Variants in MARCHF1 observed in about 807,000 individuals in gnomAD.
MARCHF1 encodes membrane associated ring-CH-type finger 1, also known as E3 ubiquitin-protein ligase MARCHF1.
MARCHF1 carries 40 observed loss-of-function variants against 54.2 expected under a neutral mutation model. The ratio of observed to expected loss-of-function variants is 0.74; its 90% confidence interval spans 0.57 to 0.96. The LOEUF (loss-of-function observed/expected upper bound fraction) is 0.96. Ranked by LOEUF, MARCHF1 falls within the 40% of genes least tolerant of loss-of-function variation. MARCHF1 has a pLI of 0.00. For missense variants in MARCHF1, 586 were observed against 656.5 expected, an observed-to-expected ratio of 0.89 and a Z score of 1.17; for synonymous variants, 236 against 236.3, an observed-to-expected ratio of 1.00 and a Z score of 0.01.
intron 2 of MARCHF1, among the ~76,000 whole-genome samples, chr4:164,031,929 T>G (rs1426483958): frequency 6.6e-6 from 1 of 152,236 alleles, no homozygotes; most frequent in Non-Finnish European, 1.5e-5. Flanking sequence ...TTTGTACCTC[T>G]GGTAGAATTT....
chr4:163,594,357 T>A (rs1483272493), intron 7 of MARCHF1, among the ~76,000 whole-genome samples: 1 of 151,514 alleles, frequency 6.6e-6, no homozygotes, highest in Non-Finnish European at 1.5e-5. Context: ...ATATTTAGTA[T>A]ATTTATTTAG....
At chr4:164,175,854 C>T (rs1001996604) in intron 1 of MARCHF1, among the ~76,000 whole-genome samples, 10 of 152,182 alleles carry the variant, frequency 6.6e-5, no homozygotes, top group Non-Finnish European at 1.3e-4. Flanking sequence ...CATCCCCCCA[C>T]TCCCCAACAC....
intron 3 of MARCHF1, among the ~76,000 whole-genome samples, chr4:163,873,095 AATG>A (rs1016802287): frequency 4.6e-5 from 7 of 152,132 alleles, no homozygotes; most frequent in Admixed American, 4.6e-4. Flanking sequence ...AAACAAAAAA[AATG>A]ATGAAGTCAT....
At chr4:164,206,891 G>C (rs1241623427) in intron 1 of MARCHF1, among the ~76,000 whole-genome samples, 1 of 151,726 alleles carries the variant, frequency 6.6e-6, no homozygotes, top group Non-Finnish European at 1.5e-5. Context: ...AAACAGTAGA[G>C]AAAAACCAAG....
chr4:163,846,862 G>A (rs1319513941), intron 4 of MARCHF1, among the ~76,000 whole-genome samples: 1 of 152,048 alleles, frequency 6.6e-6, no homozygotes, highest in Non-Finnish European at 1.5e-5. Flanking sequence ...TCTGCTCAAG[G>A]AATATAATAA....
At chr4:163,700,271 C>G (rs1244621016) in intron 5 of MARCHF1, among the ~76,000 whole-genome samples, 1 of 152,012 alleles carries the variant, frequency 6.6e-6, no homozygotes, top group Non-Finnish European at 1.5e-5. Context: ...CTTTGGGAGG[C>G]TGAGGAGGGT....
chr4:164,081,313 A>G (rs2111113623), intron 2 of MARCHF1, among the ~76,000 whole-genome samples: 1 of 151,678 alleles, frequency 6.6e-6, no homozygotes, highest in African/African-American at 2.4e-5. Flanking sequence ...CACACAATAT[A>G]ATTATGTCAG....
chr4:163,969,696 T>G (rs768324105), intron 3 of MARCHF1, among the ~76,000 whole-genome samples: 47 of 152,194 alleles, frequency 3.1e-4, no homozygotes, highest in Non-Finnish European at 1.6e-4. Flanking sequence ...AACATGCTTC[T>G]ATGATCTAAT....
chr4:163,545,325 C>A (rs370586136), intron 9 of MARCHF1, among the ~76,000 whole-genome samples: 1 of 152,136 alleles, frequency 6.6e-6, no homozygotes, highest in Non-Finnish European at 1.5e-5. Context: ...CCAAAAAGCC[C>A]GAAGTGGTGT....
chr4:164,269,126 G>C (rs1290563550), intron 1 of MARCHF1, among the ~76,000 whole-genome samples: 1 of 152,136 alleles, frequency 6.6e-6, no homozygotes, highest in East Asian at 1.9e-4. Context: ...ACAAGGCAAA[G>C]TCACTTACAT....
At chr4:163,927,090 A>T (rs1032321679) in intron 3 of MARCHF1, among the ~76,000 whole-genome samples, 1 of 151,738 alleles carries the variant, frequency 6.6e-6, no homozygotes, top group Non-Finnish European at 1.5e-5. Flanking sequence ...CAAATCTCAC[A>T]ATTTTGTTGT....
At chr4:164,349,731 T>C (rs1730223659) in intron 1 of MARCHF1, among the ~76,000 whole-genome samples, 4 of 152,146 alleles carry the variant, frequency 2.6e-5, no homozygotes, top group Admixed American at 2.6e-4. Context: ...TATAAAAGAA[T>C]GTAATATAAA....
chr4:163,864,503 A>T (rs1750009595), intron 3 of MARCHF1, among the ~76,000 whole-genome samples: 1 of 151,972 alleles, frequency 6.6e-6, no homozygotes, highest in African/African-American at 2.4e-5. Context: ...GCTGCTAAAA[A>T]ATTGGATAAA....
chr4:163,630,006 A>G (rs549359835), intron 5 of MARCHF1, among the ~76,000 whole-genome samples: 8 of 152,212 alleles, frequency 5.3e-5, no homozygotes, highest in Non-Finnish European at 1.2e-4. Flanking sequence ...AGTTTTGTAC[A>G]TTGTTGGAGG....
At chr4:164,380,399 G>A (rs905417155) in intron 1 of MARCHF1, among the ~76,000 whole-genome samples, 4 of 152,162 alleles carry the variant, frequency 2.6e-5, no homozygotes, top group African/African-American at 9.7e-5. Context: ...AGAAAGGCAA[G>A]GCAGATATTA....
At chr4:164,127,009 G>A (rs1015037440) in intron 1 of MARCHF1, among the ~76,000 whole-genome samples, 1 of 151,180 alleles carries the variant, frequency 6.6e-6, no homozygotes, top group Non-Finnish European at 1.5e-5. Context: ...AGCAGAGATT[G>A]TGCCATTGCA....
chr4:163,982,551 T>G (rs566764094), intron 3 of MARCHF1, among the ~76,000 whole-genome samples: 1 of 152,340 alleles, frequency 6.6e-6, no homozygotes, highest in East Asian at 1.9e-4. Context: ...GTAAGTGACA[T>G]AACATTCTAC....
intron 8 of MARCHF1, among the ~76,000 whole-genome samples, chr4:163,580,615 G>A (rs1740197536): frequency 6.6e-6 from 1 of 152,202 alleles, no homozygotes; most frequent in Non-Finnish European, 1.5e-5. Flanking sequence ...TCAAGATATA[G>A]AAGTTGTTAA....
chr4:164,049,843 T>C (rs1754321480), intron 2 of MARCHF1, among the ~76,000 whole-genome samples: 1 of 152,234 alleles, frequency 6.6e-6, no homozygotes, highest in Non-Finnish European at 1.5e-5. Context: ...GGCAGGCATA[T>C]ATTTATAGTA....
Sources: gnomAD v4.1 joint callset for allele counts (sites outside exome capture counted in the v4.1 genomes callset) on GRCh38, gnomAD v4.1.1 for gene constraint, MANE v1.5 for transcripts, NCBI Gene and HGNC (gene_info 2026-07-23, HGNC 2026-07-21) for gene names.